Variants in REV1 observed in about 807,000 individuals in gnomAD.
The protein encoded by REV1 is REV1 DNA directed polymerase.
REV1 carries 42 observed loss-of-function variants against 137.4 expected under a neutral mutation model. That is an observed-to-expected ratio of 0.31 (90% CI 0.24 to 0.40). The LOEUF (loss-of-function observed/expected upper bound fraction) is 0.40, where lower values mean the gene tolerates loss of function less well. REV1 is among the 10% of genes least tolerant of loss of function. The probability of loss-of-function intolerance (pLI) is 1.00; values close to 1 mark genes in which losing one functional copy is unlikely to be tolerated. For missense variants in REV1, 1,282 were observed against 1,490.1 expected (o/e 0.86, Z 2.30); for synonymous variants, 524 against 519.2 (o/e 1.01, Z -0.12).
At chr2:99,434,519 T>C (rs1012028856) in intron 7 of REV1, 71 bp from the exon 8 acceptor site, 3 of 951,002 alleles carry the variant, frequency 3.2e-6, no homozygotes, top group African/African-American at 3.4e-5. Flanking sequence ...CAAAAATTTT[T>C]CAAAGGATTT....
intron 10 of REV1, among the ~76,000 whole-genome samples, chr2:99,423,111 A>G (rs915892580): frequency 6.6e-6 from 1 of 152,216 alleles, no homozygotes; most frequent in African/African-American, 2.4e-5. Context: ...TCACTCCTAC[A>G]TAATGACGCC....
chr2:99,483,471 C>A (rs941692451), intron 1 of REV1, among the ~76,000 whole-genome samples: 3 of 152,168 alleles, frequency 2.0e-5, no homozygotes, highest in Admixed American at 2.0e-4. Flanking sequence ...CACATCACAA[C>A]CAACTTTTTT....
chr2:99,455,568 T>C (rs1231373074), intron 3 of REV1, among the ~76,000 whole-genome samples: 2 of 152,158 alleles, frequency 1.3e-5, no homozygotes, highest in Non-Finnish European at 2.9e-5. Flanking sequence ...GGAGGTGGCA[T>C]AAATTAATAT....
chr2:99,461,871 T>C (rs1252342164), intron 3 of REV1, among the ~76,000 whole-genome samples: 1 of 152,128 alleles, frequency 6.6e-6, no homozygotes, highest in African/African-American at 2.4e-5. Context: ...AAAGAAGCAT[T>C]TGCACATTTC....
chr2:99,462,489 A>C lies in REV1; in HGVS notation c.181+7T>G, dbSNP rs1575182080. On this transcript the variant is annotated splice_region_variant and intron_variant, in intron 3 of 22. Coordinates refer to ENST00000258428, the MANE Select transcript of REV1 (RefSeq NM_016316.4). ...GCCAAAATAGGGTTAAGTAAAAAGT[A>C]CTCAACCTGTGTATCCATTAACATA... 6.2e-7 allele frequency: 1 copy of C among 1,602,296 alleles called. No homozygotes were observed. Among genetic ancestry groups the C allele is most frequent in the Non-Finnish European group, 8.5e-7 (1 of 1,176,946 alleles).
Position 99,419,602 on chromosome 2 carries a change from T to A in REV1, c.1832-655A>T, listed in dbSNP as rs28382935. On this transcript the variant is annotated intron_variant, in intron 11 of 22. Transcript: ENST00000258428. ...TCCCAACCACAGGAGACAGAGGAGG[T>A]AGGGAAATGACAATAAAAAGTGCGC... Among the ~76,000 whole-genome samples the A allele has an allele frequency of 2.8e-3, 421 of 150,898 alleles. 1 individual carries two copies. Among genetic ancestry groups the A allele is most frequent in the African/African-American group, 9.9e-3 (406 of 41,020 alleles).
At chr2:99,411,050 G>A (rs1333294832) in intron 13 of REV1, among the ~76,000 whole-genome samples, 183 bp from the exon 14 acceptor site, 1 of 152,170 alleles carries the variant, frequency 6.6e-6, no homozygotes, top group Non-Finnish European at 1.5e-5. Flanking sequence ...ACTTTGAGAG[G>A]CCGAGGCTGG....
At chr2:99,488,677 T>C (rs1161563398) in intron 1 of REV1, among the ~76,000 whole-genome samples, 2 of 152,140 alleles carry the variant, frequency 1.3e-5, no homozygotes, top group Admixed American at 6.5e-5. Flanking sequence ...CAAGAATATG[T>C]GTGAAAGGTT....
At chr2:99,422,860 C>T (rs1483838440) in intron 10 of REV1, among the ~76,000 whole-genome samples, 5 of 152,162 alleles carry the variant, frequency 3.3e-5, no homozygotes, top group Non-Finnish European at 5.9e-5. Flanking sequence ...CTTCAATACC[C>T]AGGACACAGG....
chr2:99,443,219 T>C (rs1295901491), intron 4 of REV1, among the ~76,000 whole-genome samples: 6 of 152,230 alleles, frequency 3.9e-5, no homozygotes, highest in Admixed American at 3.9e-4. Flanking sequence ...AATATACTTA[T>C]GCTATCATCC....
Position 99,467,772 on chromosome 2 carries a change from G to A in REV1, c.-10-2787C>T, listed in dbSNP as rs116685787. Among the ~76,000 whole-genome samples the A allele has an allele frequency of 5.1e-3, 772 of 152,288 alleles. 3 individuals are homozygous for A. Among genetic ancestry groups the A allele is most frequent in the Non-Finnish European group, 9.1e-3 (620 of 68,010 alleles). ...AGATTAAGGTGATCGTGGGCCAGGCGTGGTGGCTCACCCCTGTAATCCCAG... is the reference window on the plus strand; with the variant it reads ...AGATTAAGGTGATCGTGGGCCAGGCATGGTGGCTCACCCCTGTAATCCCAG... On this transcript the variant is annotated intron_variant, in intron 1 of 22. Coordinates refer to ENST00000258428, the MANE Select transcript of REV1 (RefSeq NM_016316.4).
intron 1 of REV1, among the ~76,000 whole-genome samples, chr2:99,483,952 CCAAT>C (rs765719810): frequency 2.5e-4 from 38 of 152,170 alleles, no homozygotes; most frequent in South Asian, 6.2e-4. Flanking sequence ...TGTTGAGAAG[CCAAT>C]AACTCATAAT....
intron 13 of REV1, among the ~76,000 whole-genome samples, chr2:99,411,148 C>T (rs1354553153): frequency 6.6e-6 from 1 of 151,868 alleles, no homozygotes; most frequent in Non-Finnish European, 1.5e-5. Context: ...ATTAGCCTGG[C>T]GTGGTGGCGG....
chr2:99,455,125 A>G (rs1258365970), intron 3 of REV1, among the ~76,000 whole-genome samples: 1 of 152,214 alleles, frequency 6.6e-6, no homozygotes, highest in East Asian at 1.9e-4. Flanking sequence ...TATATGCACC[A>G]TTTCCTCCTG....
intron 12 of REV1, among the ~76,000 whole-genome samples, chr2:99,416,641 G>A (rs1677901368): frequency 1.3e-5 from 2 of 152,130 alleles, no homozygotes; most frequent in African/African-American, 4.8e-5. Flanking sequence ...AAGAAATAAA[G>A]TCTCACTGGG....
chr2:99,422,458 G>T (rs1269278505), intron 10 of REV1, among the ~76,000 whole-genome samples: 3 of 152,148 alleles, frequency 2.0e-5, no homozygotes, highest in African/African-American at 7.2e-5. Context: ...TAGGAGGGCG[G>T]TCCTCATCTC....
chr2:99,420,554 G>A lies in REV1; in HGVS notation c.1831+945C>T, dbSNP rs28382932. 1.4e-3 allele frequency among the ~76,000 whole-genome samples: 214 copies of A among 152,312 alleles called. 1 individual carries two copies. The highest frequency in any genetic ancestry group is 3.1e-3 in the Admixed American group (47 of 15,292). On this transcript the variant is annotated intron_variant, in intron 11 of 22. Coordinates refer to ENST00000258428, the MANE Select transcript of REV1 (RefSeq NM_016316.4). Reference sequence around the variant, plus strand: ...TCCGTCTGCCACTCCTTCAGCTTCTGTCTCCTAACCACCCTGGTGCTTCCC... The same window carrying A: ...TCCGTCTGCCACTCCTTCAGCTTCTATCTCCTAACCACCCTGGTGCTTCCC...
Position 99,464,849 on chromosome 2 carries a change from A to G in REV1, c.54+73T>C. 2.1e-6 allele frequency: 3 copies of G among 1,414,280 alleles called. No homozygotes were observed. In the South Asian group the frequency reaches 3.5e-5, roughly 17 times the overall value. 87.6% of individuals were successfully genotyped at this position (1,414,280 alleles called of 1,614,324 possible). ...ATTTACAATTTAGAAAACAACTTAAACCACATTATAACAGAAGAATGAAAA... is the reference window on the plus strand; with the variant it reads ...ATTTACAATTTAGAAAACAACTTAAGCCACATTATAACAGAAGAATGAAAA... On this transcript the variant is annotated intron_variant, in intron 2 of 22. Transcript: ENST00000258428.
At chr2:99,455,880 G>T (rs1199697650) in intron 3 of REV1, among the ~76,000 whole-genome samples, 13 of 152,074 alleles carry the variant, frequency 8.5e-5, no homozygotes. Context: ...TAAAGTACTT[G>T]TCCGGGCCCC....
Sources: gnomAD v4.1 joint callset for allele counts (sites outside exome capture counted in the v4.1 genomes callset) on GRCh38, gnomAD v4.1.1 for gene constraint, MANE v1.5 for transcripts, NCBI Gene and HGNC (gene_info 2026-07-23, HGNC 2026-07-21) for gene names.